Variants in MICU3 observed in about 807,000 individuals in gnomAD.
MICU3 encodes calcium uptake protein 3, mitochondrial.
In MICU3, 62 loss-of-function variants were observed where a neutral mutation model predicts 66.5. The ratio of observed to expected loss-of-function variants is 0.93; its 90% confidence interval spans 0.76 to 1.15. The LOEUF is 1.15. MICU3 is among the 50% of genes most tolerant of loss of function. The probability of loss-of-function intolerance (pLI) is 0.00; values close to 1 mark genes in which losing one functional copy is unlikely to be tolerated. For missense variants in MICU3, 779 were observed against 664.4 expected, an observed-to-expected ratio of 1.17 and a Z score of -1.90; for synonymous variants, 308 against 240.7, an observed-to-expected ratio of 1.28 and a Z score of -2.59.
the MICU3 span, chr8:17,132,279 T>A: frequency 1.3e-5 from 2 of 152,220 alleles, no homozygotes; most frequent in African/African-American, 4.8e-5. Flanking sequence ...CAGCCCTTTT[T>A]TCTGCAGTTG....
rs1023474867 is a variant in MICU3 at position 17,066,904 on chromosome 8, A to G, written c.535+2667A>G. 2.0e-5 allele frequency among the ~76,000 whole-genome samples: 3 copies of G among 152,174 alleles called. No individual in the cohort carries two copies. In the South Asian group the frequency reaches 6.2e-4, roughly 32 times the overall value. ...TATTTTCTAGAATTTTTTTCTTCAGAATACATTCACTGGAAGCACACTGTT... is the reference window on the plus strand; with the variant it reads ...TATTTTCTAGAATTTTTTTCTTCAGGATACATTCACTGGAAGCACACTGTT... On this transcript the variant is annotated intron_variant, in intron 2 of 14. Transcript: ENST00000318063.
chr8:17,109,763 C>A (rs929469024), intron 11 of MICU3, among the ~76,000 whole-genome samples: 3 of 151,950 alleles, frequency 2.0e-5, no homozygotes, highest in Admixed American at 6.6e-5. Context: ...TTTTAAAATG[C>A]CATGGGACTA....
At chr8:17,129,365 T>C in the MICU3 span, among the ~76,000 whole-genome samples, 1 of 152,110 alleles carries the variant, frequency 6.6e-6, no homozygotes, top group African/African-American at 2.4e-5. Context: ...AGATAAAAAC[T>C]TTAAGAACTA....
At chr8:17,082,909 A>G (rs1452186471) in intron 5 of MICU3, among the ~76,000 whole-genome samples, 1 of 152,168 alleles carries the variant, frequency 6.6e-6, no homozygotes, top group Non-Finnish European at 1.5e-5. Flanking sequence ...ATTTCAAAAA[A>G]TATTTTTTTC....
At chr8:17,072,730 G>A (rs1276419692) in intron 3 of MICU3, among the ~76,000 whole-genome samples, 1 of 152,038 alleles carries the variant, frequency 6.6e-6, no homozygotes, top group Non-Finnish European at 1.5e-5. Flanking sequence ...ATATGTAAAG[G>A]AGGTGAACCT....
At chr8:17,118,590 A>G in intron 13 of MICU3, 117 bp from the exon 14 acceptor site, 2 of 587,780 alleles carry the variant, frequency 3.4e-6, no homozygotes, top group Non-Finnish European at 6.0e-6. Flanking sequence ...AGCCTCTGGT[A>G]ATTAACATTC....
intron 4 of MICU3, among the ~76,000 whole-genome samples, chr8:17,081,442 A>G (rs1287726052): frequency 1.3e-5 from 2 of 152,112 alleles, no homozygotes; most frequent in African/African-American, 4.8e-5. Flanking sequence ...TGCTATACGT[A>G]TGCATTATAA....
In MICU3 at chr8:17,122,119, T is replaced by A. The variant is rs373908698; in HGVS notation, c.*1832T>A. The A allele has an allele frequency of 6.6e-6, 1 of 151,902 alleles. No homozygotes were observed. The highest frequency in any genetic ancestry group is 1.5e-5 in the Non-Finnish European group (1 of 67,760). The allele number at this position is 151,902 out of a possible 1,614,324, so 9.4% of individuals were successfully genotyped here. ...TCATTTTCCCAAGGAAGAATAGCAT[T>A]GTACATATGCAATCTTTATTTTATT... On this transcript the variant is annotated 3_prime_UTR_variant, in exon 15 of 15. Transcript: ENST00000318063.
rs1402867541 is a variant in MICU3, at chr8:17,051,131, C to T, written c.382-12953C>T. On this transcript the variant is annotated intron_variant, in intron 1 of 14. Coordinates refer to ENST00000318063, the MANE Select transcript of MICU3 (RefSeq NM_181723.3). ...TTTTATTCCAAAAAAGTTCATTGAA[C>T]ATGTTTTATTACATGGCCCTCCCCA... Among the ~76,000 whole-genome samples, 4 of 152,080 alleles carry T rather than the reference C, an allele frequency of 2.6e-5. No homozygotes were observed. In the South Asian group the frequency reaches 6.2e-4, roughly 24 times the overall value.
chr8:17,037,718 G>T (rs769274951), intron 1 of MICU3, among the ~76,000 whole-genome samples: 2 of 152,174 alleles, frequency 1.3e-5, no homozygotes, highest in Non-Finnish European at 2.9e-5. Flanking sequence ...CTTGCACCAT[G>T]CACCTGGAAA....
At chr8:17,101,293 G>C (rs956328835) in intron 9 of MICU3, among the ~76,000 whole-genome samples, 1 of 151,770 alleles carries the variant, frequency 6.6e-6, no homozygotes, top group African/African-American at 2.4e-5. Context: ...AAGAATCACA[G>C]GGATAAAGTC....
Position 17,104,500 on chromosome 8 carries a change from AT to A in MICU3, c.1085+14del, listed in dbSNP as rs765494279. The A allele has an allele frequency of 7.6e-6, 10 of 1,309,336 alleles. No individual in the cohort carries two copies. In the South Asian group the frequency reaches 1.7e-4, roughly 22 times the overall value. 81.1% of individuals were successfully genotyped at this position (1,309,336 alleles called of 1,614,324 possible). The stretch of plus-strand genomic sequence containing the variant: ...TTTGAAGATTTTTATAGGTGAGCTT[AT>A]TTTTATATTTTTATTAAAAATTATT... On this transcript the variant is annotated intron_variant, in intron 10 of 14. Coordinates refer to ENST00000318063, the MANE Select transcript of MICU3 (RefSeq NM_181723.3).
chr8:17,124,320 C>G (rs1435797450), downstream of MICU3, among the ~76,000 whole-genome samples: 2 of 152,018 alleles, frequency 1.3e-5, no homozygotes, highest in Admixed American at 6.6e-5. Context: ...GTTTGTCTAC[C>G]TTTTATTTAG....
intron 1 of MICU3, among the ~76,000 whole-genome samples, chr8:17,045,178 T>C (rs758583637): frequency 1.3e-5 from 2 of 152,188 alleles, no homozygotes; most frequent in Non-Finnish European, 2.9e-5. Context: ...AATACTTTGA[T>C]GTTATGAGGT....
chr8:17,067,671 C>G (rs1322518041), intron 2 of MICU3, among the ~76,000 whole-genome samples: 1 of 152,086 alleles, frequency 6.6e-6, no homozygotes. Context: ...AACTCCTGAC[C>G]TCAGGTGATC....
downstream of MICU3, among the ~76,000 whole-genome samples, chr8:17,126,793 T>G (rs1243107565): frequency 2.0e-5 from 3 of 152,106 alleles, no homozygotes; most frequent in Admixed American, 2.0e-4. Flanking sequence ...TGATTGTAAA[T>G]TTGTGGAACT....
chr8:17,138,355 AAT>A, the MICU3 span, among the ~76,000 whole-genome samples: 1 of 152,286 alleles, frequency 6.6e-6, no homozygotes, highest in South Asian at 2.1e-4. Context: ...GAAAAAAAGA[AAT>A]AGAGGTTTAA....
At chr8:17,103,423 T>C (rs994180494) in intron 9 of MICU3, among the ~76,000 whole-genome samples, 1 of 151,956 alleles carries the variant, frequency 6.6e-6, no homozygotes, top group Non-Finnish European at 1.5e-5. Context: ...CTAAAAACGA[T>C]GTGCCTATCT....
chr8:17,037,363 A>G (rs996262443), intron 1 of MICU3, among the ~76,000 whole-genome samples: 35 of 152,234 alleles, frequency 2.3e-4, no homozygotes, highest in African/African-American at 7.7e-4. Context: ...GAAGACTGCC[A>G]GCACGCTGTC....
Sources: gnomAD v4.1 joint callset for allele counts (sites outside exome capture counted in the v4.1 genomes callset) on GRCh38, gnomAD v4.1.1 for gene constraint, MANE v1.5 for transcripts, NCBI Gene and HGNC (gene_info 2026-07-23, HGNC 2026-07-21) for gene names.